Variants in ORC4 observed in about 807,000 individuals in gnomAD.
ORC4 encodes the protein origin recognition complex subunit 4.
ORC4 carries 55 observed loss-of-function variants against 63.9 expected under a neutral mutation model. The ratio of observed to expected loss-of-function variants is 0.86; its 90% CI spans 0.69 to 1.08. ORC4 has a LOEUF of 1.08. ORC4 is among the 50% of genes least tolerant of loss of function. The probability of loss-of-function intolerance (pLI) is 0.00; values close to 1 mark genes in which losing one functional copy is unlikely to be tolerated. For missense variants in ORC4, 511 were observed against 504.4 expected, an observed-to-expected ratio of 1.01 and a Z score of -0.13; for synonymous variants, 150 against 168.5, an observed-to-expected ratio of 0.89 and a Z score of 0.85.
chr2:147,979,653 G>A lies in ORC4; in HGVS notation c.-17-3678C>T, dbSNP rs189113689. ...TCATGAGCTAAAGAACAATGCTGGA[G>A]GTATCAGACTACCTGATTTCAATAC... is the stretch of plus-strand genomic sequence containing the variant. On this transcript the variant is annotated intron_variant, in intron 1 of 13. Coordinates refer to ENST00000392857, the MANE Select transcript of ORC4 (RefSeq NM_181741.4). Among the ~76,000 whole-genome samples the A allele has an allele frequency of 7.1e-3, 1,074 of 152,020 alleles. 7 individuals carry two copies. The highest frequency in any genetic ancestry group is 0.012 in the Non-Finnish European group (817 of 67,962).
intron 4 of ORC4, among the ~76,000 whole-genome samples, chr2:147,967,408 ACT>A (rs1324846983): frequency 1.3e-5 from 2 of 151,986 alleles, no homozygotes; most frequent in East Asian, 3.9e-4. Flanking sequence ...AAACCTAGAG[ACT>A]CTACCAAAAA....
chr2:147,943,727 G>A (rs1235590159), intron 9 of ORC4, among the ~76,000 whole-genome samples: 3 of 151,978 alleles, frequency 2.0e-5, no homozygotes, highest in East Asian at 1.9e-4. Context: ...TGTTCTTTAC[G>A]TTAATTCAAT....
chr2:147,960,480 T>A lies in ORC4; in HGVS notation c.226-1614A>T, dbSNP rs1040341414. 6.0e-5 allele frequency: 28 copies of A among 465,906 alleles called. 1 individual carries two copies. The highest frequency in any genetic ancestry group is 1.3e-4 in the African/African-American group (6 of 47,302). The allele number at this position is 465,906 out of a possible 1,614,324, so 28.9% of individuals were successfully genotyped here. On this transcript the variant is annotated intron_variant, in intron 4 of 13. Coordinates refer to ENST00000392857, the MANE Select transcript of ORC4 (RefSeq NM_181741.4). Reference sequence around the variant, plus strand: ...TACACTAAAAATATTTAGTTGGTTATTAATATCACACTGACCAACATAACC... The same window carrying A: ...TACACTAAAAATATTTAGTTGGTTAATAATATCACACTGACCAACATAACC...
Position 147,931,022 on chromosome 2 carries a change from A to C in ORC4, c.*4488T>G. On this transcript the variant is annotated 3_prime_UTR_variant, in exon 14 of 14. Transcript: ENST00000392857. Reference sequence around the variant, plus strand: ...CCCTCCCCCATCCCCCCACCCCACAACAGTCCCCAGAGTGTGATATTCCCC... The same window carrying C: ...CCCTCCCCCATCCCCCCACCCCACACCAGTCCCCAGAGTGTGATATTCCCC... The C allele has an allele frequency of 7.2e-6, 1 of 138,322 alleles. No homozygotes were observed. Among genetic ancestry groups the C allele is most frequent in the Non-Finnish European group, 1.6e-5 (1 of 64,444 alleles). The allele number at this position is 138,322 out of a possible 1,614,324, so 8.6% of individuals were successfully genotyped here.
intron 9 of ORC4, among the ~76,000 whole-genome samples, chr2:147,947,080 T>C (rs2105283118): frequency 6.6e-6 from 1 of 152,140 alleles, no homozygotes; most frequent in South Asian, 2.1e-4. Flanking sequence ...AATTTAGTAT[T>C]AGTATTTAAA....
chr2:148,010,183 A>G (rs1692867476), intron 1 of ORC4, among the ~76,000 whole-genome samples: 1 of 152,180 alleles, frequency 6.6e-6, no homozygotes, highest in East Asian at 1.9e-4. Context: ...CTTATGAGAT[A>G]CAGTTAAAGC....
At chr2:147,990,871 A>C (rs889345359) in intron 1 of ORC4, among the ~76,000 whole-genome samples, 1 of 152,138 alleles carries the variant, frequency 6.6e-6, no homozygotes, top group Admixed American at 6.5e-5. Context: ...ACTTAAACTG[A>C]TTAAATAATT....
At chr2:147,957,959 C>T (rs962729199) in intron 6 of ORC4, among the ~76,000 whole-genome samples, 6 of 152,122 alleles carry the variant, frequency 3.9e-5, no homozygotes, top group Non-Finnish European at 8.8e-5. Context: ...AAATAGGCTG[C>T]TGGAGCATGG....
At chr2:147,996,670 T>C (rs919683072) in intron 1 of ORC4, among the ~76,000 whole-genome samples, 4 of 152,196 alleles carry the variant, frequency 2.6e-5, no homozygotes, top group African/African-American at 7.2e-5. Flanking sequence ...CTCAACATCA[T>C]ATGTCAATAG....
chr2:147,939,927 T>C (rs950527199), intron 10 of ORC4, among the ~76,000 whole-genome samples: 2 of 152,188 alleles, frequency 1.3e-5, no homozygotes, highest in Admixed American at 6.5e-5. Flanking sequence ...TAAAAATGCA[T>C]GACCTCTGGT....
intron 1 of ORC4, among the ~76,000 whole-genome samples, chr2:148,016,362 C>T (rs1414706808): frequency 1.3e-5 from 2 of 152,182 alleles, no homozygotes; most frequent in African/African-American, 4.8e-5. Context: ...CTTTCTGAAT[C>T]CTGGAGAAAC....
chr2:147,991,980 T>A (rs1221484676), intron 1 of ORC4, among the ~76,000 whole-genome samples: 3 of 152,232 alleles, frequency 2.0e-5, no homozygotes, highest in Non-Finnish European at 2.9e-5. Flanking sequence ...AGTATACGTC[T>A]TAAAATGCAT....
At chr2:147,986,204 T>C (rs1193851992) in intron 1 of ORC4, among the ~76,000 whole-genome samples, 2 of 152,106 alleles carry the variant, frequency 1.3e-5, no homozygotes, top group Admixed American at 1.3e-4. Flanking sequence ...GCAGATAAAA[T>C]GGTAAAAAAT....
At chr2:147,946,173 T>C (rs191040854) in intron 9 of ORC4, among the ~76,000 whole-genome samples, 3 of 152,112 alleles carry the variant, frequency 2.0e-5, no homozygotes, top group East Asian at 3.9e-4. Context: ...TCCTCTTTAT[T>C]TATAGACTCA....
chr2:147,958,297 C>G lies in ORC4; in HGVS notation c.387+1G>C, dbSNP rs1303034735. 3 of 1,587,750 alleles carry G rather than the reference C, an allele frequency of 1.9e-6. No individual in the cohort carries two copies. Among genetic ancestry groups the G allele is most frequent in the African/African-American group, 1.3e-5 (1 of 74,436 alleles). On this transcript the variant is annotated splice_donor_variant, in intron 6 of 13. Coordinates refer to ENST00000392857, the MANE Select transcript of ORC4 (RefSeq NM_181741.4). LOFTEE classifies it high-confidence loss of function. ...AATAAAATAACTGAAATGATACTTA[C>G]AAAAACTTTATCTCCAACTACATTT...
intron 4 of ORC4, 21 bp downstream of exon 4, chr2:147,972,718 C>G: frequency 6.8e-7 from 1 of 1,478,488 alleles, no homozygotes; most frequent in Admixed American, 1.7e-5. Context: ...CCAACAAACA[C>G]CAGAAATCAA....
At chr2:147,974,909 A>C (rs1690452309) in intron 2 of ORC4, among the ~76,000 whole-genome samples, 1 of 152,038 alleles carries the variant, frequency 6.6e-6, no homozygotes, top group African/African-American at 2.4e-5. Context: ...GACTAGTCAG[A>C]AGGTTCACAA....
intron 4 of ORC4, among the ~76,000 whole-genome samples, chr2:147,971,061 C>T (rs1024393575): frequency 6.6e-6 from 1 of 152,142 alleles, no homozygotes; most frequent in Non-Finnish European, 1.5e-5. Context: ...TGCTTGAGCA[C>T]AAGAGGCCAA....
intron 1 of ORC4, among the ~76,000 whole-genome samples, chr2:147,983,917 T>C (rs780708088): frequency 7.9e-5 from 12 of 152,184 alleles, no homozygotes; most frequent in Non-Finnish European, 1.8e-4. Context: ...TAGATGCTTC[T>C]GAACCACTGC....
Sources: allele counts gnomAD v4.1 joint callset (sites outside exome capture counted in the v4.1 genomes callset), GRCh38; gene constraint gnomAD v4.1.1; transcripts MANE v1.5; gene names NCBI Gene and HGNC (gene_info 2026-07-23, HGNC 2026-07-21).